RCN1: variants seen among roughly 807,000 people sequenced by gnomAD.
RCN1 encodes reticulocalbin 1, also known as reticulocalbin-1.
Under a neutral mutation model 34.7 loss-of-function variants are expected in RCN1, and 14 were observed. The ratio of observed to expected loss-of-function variants is 0.40; its 90% confidence interval spans 0.27 to 0.63. The LOEUF (loss-of-function observed/expected upper bound fraction) is 0.63, where lower values mean the gene tolerates loss of function less well. RCN1 is among the 30% of genes least tolerant of loss of function. RCN1 has a pLI of 0.37. For synonymous variants in RCN1, 125 were observed against 165.5 expected, an observed-to-expected ratio of 0.76 and a Z score of 1.88; for missense variants, 326 against 425.1, an observed-to-expected ratio of 0.77 and a Z score of 2.05.
chr11:32,102,734 G>A lies in RCN1; in HGVS notation c.689-547G>A, dbSNP rs1205386661. The A allele has an allele frequency of 1.7e-5, 5 of 300,844 alleles. No individual in the cohort carries two copies. In the East Asian group the frequency reaches 5.4e-4, roughly 33 times the overall value. 18.6% of individuals were successfully genotyped at this position (300,844 alleles called of 1,614,324 possible). Reference sequence around the variant, plus strand: ...AGCCTCCAGCTCATATGAGCTGTGGGTCATTGGGTAAGACTTTACCTCATT... The same window carrying A: ...AGCCTCCAGCTCATATGAGCTGTGGATCATTGGGTAAGACTTTACCTCATT... On this transcript the variant is annotated intron_variant, in intron 4 of 5. Coordinates refer to ENST00000054950, the MANE Select transcript of RCN1 (RefSeq NM_002901.4).
chr11:32,100,480 C>G (rs960693686), intron 3 of RCN1, 68 bp from the exon 4 acceptor site: 1 of 1,273,894 alleles, frequency 7.8e-7, no homozygotes. Context: ...CAAATGAGGA[C>G]AATAGAATTC....
chr11:32,101,135 G>T (rs1852032849), intron 4 of RCN1, among the ~76,000 whole-genome samples: 1 of 152,148 alleles, frequency 6.6e-6, no homozygotes, highest in South Asian at 2.1e-4. Context: ...CTCATTTTGT[G>T]CCCCTCGTTT....
intron 4 of RCN1, among the ~76,000 whole-genome samples, chr11:32,101,280 G>A (rs1852037727): frequency 6.7e-6 from 1 of 148,994 alleles, no homozygotes; most frequent in African/African-American, 2.5e-5. Context: ...GACTAGAGCA[G>A]GCAACAAGGA....
At chr11:32,094,811 C>T (rs1292992270) in intron 1 of RCN1, among the ~76,000 whole-genome samples, 1 of 152,132 alleles carries the variant, frequency 6.6e-6, no homozygotes, top group East Asian at 1.9e-4. Flanking sequence ...ATAATGGGGA[C>T]CAGAGGCAGG....
intron 1 of RCN1, among the ~76,000 whole-genome samples, chr11:32,092,749 G>T (rs1300320131): frequency 6.6e-6 from 1 of 152,130 alleles, no homozygotes; most frequent in East Asian, 1.9e-4. Context: ...TGGGCACCAG[G>T]TCTCAGATCT....
At chr11:32,095,992 G>A (rs1396085395) in intron 1 of RCN1, among the ~76,000 whole-genome samples, 3 of 152,034 alleles carry the variant, frequency 2.0e-5, no homozygotes, top group African/African-American at 4.8e-5. Context: ...TCCCCTTCTC[G>A]TGTACACCCT....
At position 32,091,086 on chromosome 11, in the gene RCN1, C is replaced by G. The variant is rs1851913877; in HGVS notation, c.-111C>G. ...GGAGGGACTGGCCAGTCCCCTCCTC[C>G]GCGCCGGCCCCAACCCTGTCGCTGC... On this transcript the variant is annotated 5_prime_UTR_variant, in exon 1 of 6. Transcript: ENST00000054950. 1.6e-6 allele frequency: 2 copies of G among 1,264,184 alleles called. No individual in the cohort carries two copies. Among genetic ancestry groups the G allele is most frequent in the Admixed American group, 4.1e-5 (1 of 24,668 alleles). The allele number at this position is 1,264,184 out of a possible 1,614,324, so 78.3% of individuals were successfully genotyped here.
intron 1 of RCN1, among the ~76,000 whole-genome samples, chr11:32,092,947 T>A (rs2133471913): frequency 6.6e-6 from 1 of 152,338 alleles, no homozygotes; most frequent in East Asian, 1.9e-4. Context: ...AACTTCAAAG[T>A]CACCTCCAAA....
At position 32,091,209 on chromosome 11, in the gene RCN1, G is replaced by A. The variant is rs1037547608; in HGVS notation, c.13G>A (p.Gly5Ser). The stretch of plus-strand genomic sequence containing the variant: ...TCTCCTCGGGACGATGGCGCGCGGT[G>A]GCCGCGGCCGCCGCCTGGGGTTAGC... MARG[G>S]RGRRLGLALG... Residue 5 changes from glycine to serine, a missense_variant, in exon 1 of 6, where the codon GGC becomes AGC. Coordinates refer to ENST00000054950, the MANE Select transcript of RCN1 (RefSeq NM_002901.4). 3 of 1,438,586 alleles carry A rather than the reference G, an allele frequency of 2.1e-6. No individual in the cohort carries two copies. The highest frequency in any genetic ancestry group is 2.7e-6 in the Non-Finnish European group (3 of 1,103,756). 89.1% of individuals were successfully genotyped at this position (1,438,586 alleles called of 1,614,324 possible).
At position 32,104,152 on chromosome 11, in the gene RCN1, C is replaced by T. The variant is rs140858085; in HGVS notation, c.889-213C>T. Among the ~76,000 whole-genome samples the T allele has an allele frequency of 1.2e-3, 176 of 152,324 alleles. 2 individuals carry two copies. The highest frequency in any genetic ancestry group is 5.2e-3 in the South Asian group (25 of 4,830). On this transcript the variant is annotated intron_variant, in intron 5 of 5. Transcript: ENST00000054950. ...AGCTTCTGAATTACTCGGGGACTTC[C>T]CTGACACGTTAGCACGGTTTTTATA...
Position 32,097,218 on chromosome 11 carries a change from G to A in RCN1, c.329G>A (p.Arg110Gln), listed in dbSNP as rs764118547. Residue 110 changes from arginine (R) to glutamine (Q), a missense_variant, in exon 2 of 6, where the codon CGG (arginine) becomes CAG (glutamine). Arg to Gln is a conservative substitution (Grantham distance 43). Coordinates refer to ENST00000054950, the MANE Select transcript of RCN1 (RefSeq NM_002901.4). ...GAGGAGCTGAAAACCTGGATCAAAC[G>A]GGTGCAGAAAAGATACATCTTTGAT... ...TTEELKTWIKRVQKRYIFDNV... is the reference protein window; with the variant it reads ...TTEELKTWIKQVQKRYIFDNV... 3.5e-5 allele frequency: 56 copies of A among 1,606,644 alleles called. No individual in the cohort carries two copies. Among genetic ancestry groups the A allele is most frequent in the Middle Eastern group, 1.6e-4 (1 of 6,062 alleles).
rs371762912 is a variant in RCN1 at position 32,095,833 on chromosome 11, G to A, written c.255-1311G>A. Among the ~76,000 whole-genome samples the A allele has an allele frequency of 2.6e-5, 4 of 152,310 alleles. No individual in the cohort carries two copies. In the East Asian group the frequency reaches 7.7e-4, roughly 29 times the overall value. On this transcript the variant is annotated intron_variant, in intron 1 of 5. Transcript: ENST00000054950. ...AGCCTCCTGAAGCACTGGGATCACAGATCCAGCCTATCTTTTAGGATTGAG... is the reference window on the plus strand; with the variant it reads ...AGCCTCCTGAAGCACTGGGATCACAAATCCAGCCTATCTTTTAGGATTGAG...
rs1851913841 is a variant in RCN1, at chr11:32,091,084, T to C, written c.-113T>C. On this transcript the variant is annotated 5_prime_UTR_variant, in exon 1 of 6. Transcript: ENST00000054950. ...GCGGAGGGACTGGCCAGTCCCCTCC[T>C]CCGCGCCGGCCCCAACCCTGTCGCT... 8.2e-7 allele frequency: 1 copy of C among 1,214,982 alleles called. No individual in the cohort carries two copies. The highest frequency in any genetic ancestry group is 1.1e-6 in the Non-Finnish European group (1 of 941,070). 75.3% of individuals were successfully genotyped at this position (1,214,982 alleles called of 1,614,324 possible).
chr11:32,104,308 C>T lies in RCN1; in HGVS notation c.889-57C>T, dbSNP rs183990282. 1.1e-5 allele frequency: 11 copies of T among 989,876 alleles called. No individual in the cohort carries two copies. In the East Asian group the frequency reaches 2.2e-4, roughly 20 times the overall value. 61.3% of individuals were successfully genotyped at this position (989,876 alleles called of 1,614,324 possible). On this transcript the variant is annotated intron_variant, in intron 5 of 5. Coordinates refer to ENST00000054950, the MANE Select transcript of RCN1 (RefSeq NM_002901.4). ...TCAGTGAAATGACATGAACATCATA[C>T]AGAACTAGTACAGTTACCAGAGCTT... is the stretch of plus-strand genomic sequence containing the variant.
At chr11:32,098,685 A>T (rs1345156292) in intron 3 of RCN1, among the ~76,000 whole-genome samples, 157 bp downstream of exon 3, 1 of 152,208 alleles carries the variant, frequency 6.6e-6, no homozygotes, top group East Asian at 1.9e-4. Flanking sequence ...CCAGAAAATT[A>T]GTCAGGTCAG....
chr11:32,095,378 C>T lies in RCN1; in HGVS notation c.255-1766C>T, dbSNP rs534147765. ...CCTCCCACCTCAGCCTCCTGAGTAG[C>T]TGGAGCTACAGGCATGCATCACCAT... is the stretch of plus-strand genomic sequence containing the variant. On this transcript the variant is annotated intron_variant, in intron 1 of 5. Coordinates refer to ENST00000054950, the MANE Select transcript of RCN1 (RefSeq NM_002901.4). 3.3e-5 allele frequency among the ~76,000 whole-genome samples: 5 copies of T among 152,172 alleles called. No individual in the cohort carries two copies. The East Asian group carries it at 7.7e-4, about 24-fold the overall frequency.
At chr11:32,096,772 G>T (rs1273888341) in intron 1 of RCN1, 1 of 180,576 alleles carries the variant, frequency 5.5e-6, no homozygotes, top group Non-Finnish European at 1.1e-5. Context: ...CAAAATGAGG[G>T]TGCTGGACTA....
At chr11:32,098,116 G>A (rs1046113959) in intron 2 of RCN1, among the ~76,000 whole-genome samples, 2 of 152,186 alleles carry the variant, frequency 1.3e-5, no homozygotes, top group Admixed American at 1.3e-4. Context: ...TAAAGCCTGC[G>A]CTCTTAACCA....
At chr11:32,091,787 G>A in intron 1 of RCN1, 2 of 332,502 alleles carry the variant, frequency 6.0e-6, no homozygotes, top group Non-Finnish European at 1.1e-5. Context: ...AGAAGAGTTT[G>A]TCCACAGTGG....
Sources: gnomAD v4.1 joint callset for allele counts (sites outside exome capture counted in the v4.1 genomes callset) on GRCh38, gnomAD v4.1.1 for gene constraint, MANE v1.5 for transcripts, NCBI Gene and HGNC (gene_info 2026-07-23, HGNC 2026-07-21) for gene names.